UBAP1: variants seen among roughly 807,000 people sequenced by gnomAD.
UBAP1 encodes the protein ubiquitin-associated protein 1.
In UBAP1, 5 loss-of-function variants were observed where a neutral mutation model predicts 39.0. That is an observed-to-expected ratio of 0.13 (90% CI 0.07 to 0.27). UBAP1 has a LOEUF of 0.27. Ranked by LOEUF, UBAP1 falls within the 10% of genes least tolerant of loss-of-function variation. The pLI is 1.00. For missense variants in UBAP1, 490 were observed against 608.1 expected (o/e 0.81, Z 2.04); for synonymous variants, 211 against 225.1 (o/e 0.94, Z 0.56).
At chr9:34,181,879 T>C (rs1830059354) in intron 1 of UBAP1, among the ~76,000 whole-genome samples, 2 of 150,668 alleles carry the variant, frequency 1.3e-5, no homozygotes, top group African/African-American at 4.9e-5. Flanking sequence ...ATTTTTTCAT[T>C]TTGATTTTGA....
At chr9:34,249,024 G>A (rs946690517) in intron 4 of UBAP1, among the ~76,000 whole-genome samples, 17 of 152,086 alleles carry the variant, frequency 1.1e-4, no homozygotes, top group African/African-American at 3.6e-4. Context: ...ACGCCTATCC[G>A]ACTGGGGTTA....
chr9:34,212,887 G>A (rs1288324662), intron 1 of UBAP1, among the ~76,000 whole-genome samples: 1 of 151,950 alleles, frequency 6.6e-6, no homozygotes, highest in Non-Finnish European at 1.5e-5. Context: ...ACCAGGAAAG[G>A]ACATAACCAA....
At chr9:34,215,105 TC>T in intron 1 of UBAP1, among the ~76,000 whole-genome samples, 1 of 152,256 alleles carries the variant, frequency 6.6e-6, no homozygotes, top group African/African-American at 2.4e-5. Flanking sequence ...TACCATTTGA[TC>T]CAGCAGTCCC....
chr9:34,247,588 C>A (rs1834244267), intron 4 of UBAP1, among the ~76,000 whole-genome samples: 1 of 151,848 alleles, frequency 6.6e-6, no homozygotes, highest in Non-Finnish European at 1.5e-5. Context: ...CCACACTTGG[C>A]CCATTTTGTA....
At chr9:34,203,944 C>G (rs1831539482) in intron 1 of UBAP1, among the ~76,000 whole-genome samples, 1 of 152,080 alleles carries the variant, frequency 6.6e-6, no homozygotes, top group Non-Finnish European at 1.5e-5. Flanking sequence ...TTGAAGACTC[C>G]AGGAAGAACA....
At chr9:34,240,139 C>T (rs1412513273) in intron 3 of UBAP1, among the ~76,000 whole-genome samples, 1 of 152,154 alleles carries the variant, frequency 6.6e-6, no homozygotes, top group African/African-American at 2.4e-5. Context: ...GAGTCATTGC[C>T]ACTGCTCTTT....
chr9:34,217,932 AT>A (rs1832428863), intron 1 of UBAP1, among the ~76,000 whole-genome samples: 1 of 148,272 alleles, frequency 6.7e-6, no homozygotes, highest in Non-Finnish European at 1.5e-5. Flanking sequence ...TCATTTTTTT[AT>A]GGTGAACAGT....
At chr9:34,214,040 C>T (rs1832163435) in intron 1 of UBAP1, among the ~76,000 whole-genome samples, 1 of 152,032 alleles carries the variant, frequency 6.6e-6, no homozygotes, top group African/African-American at 2.4e-5. Flanking sequence ...CAAATGGAAG[C>T]ACATCCCATG....
At chr9:34,216,343 A>G (rs1284175651) in intron 1 of UBAP1, among the ~76,000 whole-genome samples, 2 of 152,040 alleles carry the variant, frequency 1.3e-5, no homozygotes, top group East Asian at 3.8e-4. Context: ...CTTCACTCCA[A>G]AGGAGACCCT....
intron 1 of UBAP1, among the ~76,000 whole-genome samples, chr9:34,183,831 C>CTTA (rs1830226139): frequency 6.7e-6 from 1 of 149,080 alleles, no homozygotes; most frequent in Non-Finnish European, 1.5e-5. Context: ...AGTGCAATGG[C>CTTA]GCCATCTCAG....
chr9:34,220,577 C>T (rs1184215730), intron 1 of UBAP1: 9 of 203,404 alleles, frequency 4.4e-5, no homozygotes, highest in Admixed American at 1.7e-4. Context: ...CCTCCCAGCT[C>T]GGCCTCACAA....
intron 1 of UBAP1, among the ~76,000 whole-genome samples, chr9:34,207,048 C>CTTTTTTTTTTTTTTTTTT (rs34197502): frequency 1.1e-5 from 1 of 90,060 alleles, no homozygotes; most frequent in African/African-American, 4.5e-5. Flanking sequence ...ATTGTTATTT[C>CTTTTTTTTTTTTTTTTTT]TTTTTTTTTT....
chr9:34,241,777 A>G lies in UBAP1; in HGVS notation c.752A>G (p.Lys251Arg), dbSNP rs781120268. The G allele has an allele frequency of 6.8e-6, 11 of 1,614,064 alleles. No individual in the cohort carries two copies. Among genetic ancestry groups the G allele is most frequent in the Non-Finnish European group, 9.3e-6 (11 of 1,180,000 alleles). The change falls in exon 4 of 7, where the codon AAA becomes AGA. Residue 251 changes from lysine to arginine, a missense_variant. Lys to Arg is a conservative substitution (Grantham distance 26). Transcript: ENST00000297661. ...GNCEKMSLSSKVSLPPIPAVS... is the reference protein window; with the variant it reads ...GNCEKMSLSSRVSLPPIPAVS... ...TGTGAAAAGATGTCACTGTCTTCCA[A>G]AGTGTCCCTCCCCCCTATACCTGCA...
intron 4 of UBAP1, among the ~76,000 whole-genome samples, chr9:34,243,945 G>T (rs1834093186): frequency 6.6e-6 from 1 of 152,170 alleles, no homozygotes; most frequent in South Asian, 2.1e-4. Context: ...TGCCTCCTGG[G>T]TTCAAGGGAT....
At chr9:34,233,903 C>T (rs867157025) in intron 2 of UBAP1, among the ~76,000 whole-genome samples, 13 of 152,252 alleles carry the variant, frequency 8.5e-5, no homozygotes, top group Middle Eastern at 6.8e-3. Flanking sequence ...TTAAAAGCAG[C>T]AGTCACCATT....
Position 34,202,484 on chromosome 9 carries a change from G to C in UBAP1, c.-7-18424G>C, listed in dbSNP as rs578171970. ...AGAAAGGGGTATTGGGAGAGATAGA[G>C]TTCTACCTTAGGACAGTTGAAGGGA... On this transcript the variant is annotated intron_variant, in intron 1 of 6. Coordinates refer to ENST00000297661, the MANE Select transcript of UBAP1 (RefSeq NM_016525.5). Among the ~76,000 whole-genome samples, 27 of 152,192 alleles carry C rather than the reference G, an allele frequency of 1.8e-4. No individual in the cohort carries two copies. The South Asian group carries it at 5.2e-3, about 29-fold the overall frequency.
At chr9:34,226,960 A>G (rs572586703) in intron 2 of UBAP1, among the ~76,000 whole-genome samples, 20 of 152,090 alleles carry the variant, frequency 1.3e-4, no homozygotes, top group Admixed American at 5.9e-4. Context: ...TAGTTTTTCC[A>G]TTAGACCCTT....
chr9:34,220,712 C>G (rs1312789693), intron 1 of UBAP1, among the ~76,000 whole-genome samples, 196 bp from the exon 2 acceptor site: 1 of 152,112 alleles, frequency 6.6e-6, no homozygotes, highest in African/African-American at 2.4e-5. Context: ...ATCCTCCCAC[C>G]TCTGCCGCCC....
intron 4 of UBAP1, among the ~76,000 whole-genome samples, chr9:34,248,483 C>T (rs1031032854): frequency 2.0e-5 from 3 of 152,174 alleles, no homozygotes; most frequent in Admixed American, 6.5e-5. Context: ...TGAGAGCTGG[C>T]ATTGCTCTGT....
Sources: gnomAD v4.1 joint callset for allele counts (sites outside exome capture counted in the v4.1 genomes callset) on GRCh38, gnomAD v4.1.1 for gene constraint, MANE v1.5 for transcripts, NCBI Gene and HGNC (gene_info 2026-07-23, HGNC 2026-07-21) for gene names.